The following RIMS1 variants were observed in gnomAD, a reference collection of about 807,000 sequenced individuals.
RIMS1 encodes regulating synaptic membrane exocytosis protein 1.
Under a neutral mutation model 214.1 loss-of-function variants are expected in RIMS1, and 83 were observed. That is an observed-to-expected ratio of 0.39 (90% CI 0.32 to 0.47). The LOEUF is 0.47. Ranked by LOEUF, RIMS1 falls within the 20% of genes least tolerant of loss-of-function variation. The pLI is 0.99. For missense variants in RIMS1, 2,050 were observed against 2,161.8 expected (o/e 0.95, Z 1.03); for synonymous variants, 793 against 786.8 (o/e 1.01, Z -0.13).
intron 4 of RIMS1, among the ~76,000 whole-genome samples, chr6:72,134,603 T>TA (rs1373026028): frequency 6.6e-6 from 1 of 152,102 alleles, no homozygotes; most frequent in Non-Finnish European, 1.5e-5. Flanking sequence ...TTCTTATTCA[T>TA]AGAGGCAATA....
chr6:72,329,371 C>T (rs1593752632), intron 28 of RIMS1, among the ~76,000 whole-genome samples: 1 of 151,626 alleles, frequency 6.6e-6, no homozygotes, highest in African/African-American at 2.4e-5. Flanking sequence ...TCCAAGAAAC[C>T]CTTGTAATTT....
At chr6:72,090,200 T>C (rs893667312) in intron 2 of RIMS1, among the ~76,000 whole-genome samples, 1 of 152,040 alleles carries the variant, frequency 6.6e-6, no homozygotes, top group Non-Finnish European at 1.5e-5. Flanking sequence ...AGAGATTGGG[T>C]CTAGCTTTGT....
chr6:72,012,966 T>G (rs1280604933), intron 2 of RIMS1, among the ~76,000 whole-genome samples: 1 of 152,214 alleles, frequency 6.6e-6, no homozygotes, highest in African/African-American at 2.4e-5. Context: ...ATCACTGCAT[T>G]TGGAATCAAG....
At chr6:71,953,682 T>G (rs951889137) in intron 1 of RIMS1, among the ~76,000 whole-genome samples, 2 of 152,218 alleles carry the variant, frequency 1.3e-5, no homozygotes, top group Admixed American at 1.3e-4. Context: ...CATACTTACC[T>G]ATTAGAATAA....
intron 1 of RIMS1, among the ~76,000 whole-genome samples, chr6:71,893,345 C>G (rs1314452222): frequency 6.6e-6 from 1 of 151,612 alleles, no homozygotes. Context: ...CATTAAATAG[C>G]TCGTACATGT....
chr6:72,183,954 T>C (rs903045699), intron 6 of RIMS1, among the ~76,000 whole-genome samples: 1 of 152,318 alleles, frequency 6.6e-6, no homozygotes, highest in African/African-American at 2.4e-5. Flanking sequence ...AATGTAAATA[T>C]GTAAACATGC....
At chr6:72,327,382 T>C (rs931473479) in intron 28 of RIMS1, among the ~76,000 whole-genome samples, 1 of 151,864 alleles carries the variant, frequency 6.6e-6, no homozygotes, top group African/African-American at 2.4e-5. Flanking sequence ...TTTCATTGTA[T>C]GGATTTAACA....
At chr6:72,371,857 T>G (rs1030275052) in intron 29 of RIMS1, among the ~76,000 whole-genome samples, 6 of 152,180 alleles carry the variant, frequency 3.9e-5, no homozygotes, top group African/African-American at 1.4e-4. Context: ...GGCGATGATC[T>G]CAGCAAAATA....
intron 4 of RIMS1, among the ~76,000 whole-genome samples, chr6:72,108,254 T>C (rs1378243733): frequency 3.2e-5 from 4 of 125,118 alleles, no homozygotes; most frequent in Admixed American, 8.4e-5. Context: ...TTGGATAATT[T>C]TGTGTGTGTG....
chr6:71,970,783 A>C (rs1395148428), intron 2 of RIMS1, among the ~76,000 whole-genome samples: 1 of 152,226 alleles, frequency 6.6e-6, no homozygotes, highest in Non-Finnish European at 1.5e-5. Context: ...TGAAGAATTT[A>C]AAGTTTGCTT....
chr6:72,252,676 C>G (rs1475958407), intron 15 of RIMS1, 85 bp from the exon 16 acceptor site: 1 of 1,103,412 alleles, frequency 9.1e-7, no homozygotes, highest in Non-Finnish European at 1.4e-6. Flanking sequence ...ATGCAATTCA[C>G]TTTTTAAAAA....
intron 16 of RIMS1, among the ~76,000 whole-genome samples, chr6:72,256,119 T>C (rs1231198164): frequency 6.6e-6 from 1 of 150,510 alleles, no homozygotes; most frequent in Non-Finnish European, 1.5e-5. Flanking sequence ...GTGAAGAAAA[T>C]CAAATTTTTT....
At chr6:72,142,203 G>T (rs2042156804) in intron 4 of RIMS1, among the ~76,000 whole-genome samples, 1 of 151,754 alleles carries the variant, frequency 6.6e-6, no homozygotes, top group Non-Finnish European at 1.5e-5. Context: ...AAATCATTGG[G>T]TTAACCATTA....
chr6:72,054,117 C>T (rs1240539813), intron 2 of RIMS1, among the ~76,000 whole-genome samples: 1 of 151,970 alleles, frequency 6.6e-6, no homozygotes, highest in East Asian at 1.9e-4. Flanking sequence ...GTGTTGTTCC[C>T]CTCCCTTTGT....
intron 2 of RIMS1, among the ~76,000 whole-genome samples, chr6:72,091,980 T>C (rs972545308): frequency 5.9e-5 from 9 of 152,230 alleles, no homozygotes; most frequent in African/African-American, 2.2e-4. Flanking sequence ...TTATTATTCA[T>C]AATAGAACAC....
At chr6:72,260,168 T>C (rs935053804) in intron 18 of RIMS1, among the ~76,000 whole-genome samples, 1 of 152,128 alleles carries the variant, frequency 6.6e-6, no homozygotes, top group Non-Finnish European at 1.5e-5. Flanking sequence ...GCAGTCAATA[T>C]AGTGAAATTA....
intron 2 of RIMS1, among the ~76,000 whole-genome samples, chr6:72,050,095 C>T (rs1349495115): frequency 2.0e-5 from 3 of 152,186 alleles, no homozygotes. Context: ...CACCCCTTCA[C>T]ACATACACAC....
intron 24 of RIMS1, among the ~76,000 whole-genome samples, chr6:72,286,926 AGAT>A (rs1328046307): frequency 6.6e-6 from 1 of 152,224 alleles, no homozygotes; most frequent in African/African-American, 2.4e-5. Context: ...ATTTTGAAAG[AGAT>A]GATGACCAGT....
intron 29 of RIMS1, chr6:72,365,888 C>T (rs554350218): frequency 3.3e-5 from 5 of 152,318 alleles, no homozygotes; most frequent in African/African-American, 1.2e-4. Context: ...AGCTTACACA[C>T]GTTTGAAGAA....
Sources: allele counts gnomAD v4.1 joint callset (sites outside exome capture counted in the v4.1 genomes callset), GRCh38; gene constraint gnomAD v4.1.1; transcripts MANE v1.5; gene names NCBI Gene and HGNC (gene_info 2026-07-23, HGNC 2026-07-21).